The following KIAA2012 variants were observed in gnomAD, a reference collection of about 807,000 sequenced individuals.
KIAA2012 encodes the protein KIAA2012, also known as uncharacterized protein KIAA2012.
Under a neutral mutation model 150.6 loss-of-function variants are expected in KIAA2012, and 125 were observed. That is an observed-to-expected ratio of 0.83 (90% confidence interval 0.72 to 0.96). The LOEUF (loss-of-function observed/expected upper bound fraction) is 0.96. KIAA2012 is among the 40% of genes least tolerant of loss of function. The pLI is 0.00. For synonymous variants in KIAA2012, 462 were observed against 504.7 expected, an observed-to-expected ratio of 0.92 and a Z score of 1.13; for missense variants, 1,219 against 1,354.9, an observed-to-expected ratio of 0.90 and a Z score of 1.57.
chr2:202,163,204 A>G (rs1374268067), intron 14 of KIAA2012, among the ~76,000 whole-genome samples: 2 of 150,572 alleles, frequency 1.3e-5, no homozygotes, highest in African/African-American at 4.9e-5. Flanking sequence ...CCTGGGTTCA[A>G]TCAGTTCTCC....
At chr2:202,158,326 G>A (rs1225487701) in intron 14 of KIAA2012, among the ~76,000 whole-genome samples, 1 of 151,812 alleles carries the variant, frequency 6.6e-6, no homozygotes. Context: ...TATGCTCTGA[G>A]TATCAGACAC....
chr2:202,103,164 G>T, intron 8 of KIAA2012, 50 bp downstream of exon 8: 17 of 1,521,700 alleles, frequency 1.1e-5, no homozygotes, highest in Non-Finnish European at 1.5e-5. Context: ...GGGATGGGGG[G>T]TCCTGCCACT....
rs1692549640 is a variant in KIAA2012 at position 202,202,458 on chromosome 2, AT to A, written c.3440del (p.Phe1147SerfsTer76). The stretch of plus-strand genomic sequence containing the variant: ...AAAGCTGCTTTGGAGAAACATTTTC[AT>A]TTCTATCAAGAACTCCATAAGGAAG... Reference protein sequence around the residue: ...RQKAALEKHFHFYQELHKEAS... With the variant: ...RQKAALEKHFXFYQELHKEAS... On this transcript the variant is annotated frameshift_variant, in exon 23 of 24. Transcript: ENST00000498697. LOFTEE classifies it high-confidence loss of function. 1 of 399,574 alleles carries A rather than the reference AT, an allele frequency of 2.5e-6. No individual in the cohort carries two copies. Among genetic ancestry groups the A allele is most frequent in the Non-Finnish European group, 4.4e-6 (1 of 226,516 alleles). 24.8% of individuals were successfully genotyped at this position (399,574 alleles called of 1,614,324 possible). A position where few individuals can be genotyped will look rare whatever the true frequency, so the allele number is the denominator to read the frequency against.
At chr2:202,124,020 T>C (rs1293981598) in intron 11 of KIAA2012, among the ~76,000 whole-genome samples, 1 of 151,810 alleles carries the variant, frequency 6.6e-6, no homozygotes, top group Non-Finnish European at 1.5e-5. Context: ...GAAACCCTGT[T>C]TCTACTAAAA....
intron 15 of KIAA2012, among the ~76,000 whole-genome samples, chr2:202,169,059 G>A (rs1022964331): frequency 5.3e-5 from 8 of 152,120 alleles, no homozygotes; most frequent in Non-Finnish European, 1.2e-4. Context: ...AAAAGTCTGA[G>A]CTGGCAGGCA....
chr2:202,095,786 T>C (rs952879966), intron 4 of KIAA2012, among the ~76,000 whole-genome samples: 3 of 152,096 alleles, frequency 2.0e-5, no homozygotes, highest in Admixed American at 1.3e-4. Flanking sequence ...AGATACCCAA[T>C]GTGTAAGACT....
chr2:202,147,710 G>A (rs1397140827), intron 13 of KIAA2012, among the ~76,000 whole-genome samples: 4 of 152,062 alleles, frequency 2.6e-5, no homozygotes, highest in African/African-American at 9.7e-5. Context: ...GAATCAGTTT[G>A]CAAGTTGAGA....
intron 5 of KIAA2012, among the ~76,000 whole-genome samples, 191 bp from the exon 6 acceptor site, chr2:202,099,422 T>A (rs1344048911): frequency 1.3e-5 from 2 of 152,190 alleles, no homozygotes; most frequent in Admixed American, 1.3e-4. Context: ...CTTTCCATCA[T>A]CAACAATAAA....
At position 202,101,042 on chromosome 2, in the gene KIAA2012, T is replaced by A. The variant is rs560391990; in HGVS notation, c.1155+593T>A. 3.9e-5 allele frequency among the ~76,000 whole-genome samples: 6 copies of A among 152,326 alleles called. No homozygotes were observed. In the East Asian group the frequency reaches 1.2e-3, roughly 29 times the overall value. ...GGGGACAAGCAAGGGCCCCCGGATG[T>A]TCTGCCCGGAGTAGCTATGGGAACA... is the stretch of plus-strand genomic sequence containing the variant. On this transcript the variant is annotated intron_variant, in intron 7 of 23. Transcript: ENST00000498697.
chr2:202,136,092 C>T (rs555559095), intron 12 of KIAA2012: 16 of 389,754 alleles, frequency 4.1e-5, no homozygotes, highest in African/African-American at 3.0e-4. Flanking sequence ...AAGCCGCAGA[C>T]CTTCGTGGTG....
intron 7 of KIAA2012, among the ~76,000 whole-genome samples, chr2:202,100,696 A>G (rs1690020688): frequency 6.6e-6 from 1 of 152,192 alleles, no homozygotes; most frequent in Admixed American, 6.5e-5. Context: ...TTATTACCAC[A>G]CTCCCTGATA....
chr2:202,202,853 A>G (rs1360670016), intron 23 of KIAA2012, among the ~76,000 whole-genome samples: 1 of 151,896 alleles, frequency 6.6e-6, no homozygotes, highest in Non-Finnish European at 1.5e-5. Flanking sequence ...CTTGAGCCTA[A>G]GACTTCCAGG....
intron 12 of KIAA2012, among the ~76,000 whole-genome samples, chr2:202,132,037 G>T (rs745516241): frequency 6.6e-6 from 1 of 152,032 alleles, no homozygotes; most frequent in Non-Finnish European, 1.5e-5. Flanking sequence ...TTAGCAAGGC[G>T]TGATGGTGCA....
chr2:202,179,614 G>A, intron 15 of KIAA2012: 1 of 663,680 alleles, frequency 1.5e-6, no homozygotes, highest in South Asian at 1.4e-5. Context: ...CATTCCCACA[G>A]CTCAGCTAGT....
At chr2:202,166,717 A>G (rs1282196078) in intron 15 of KIAA2012, among the ~76,000 whole-genome samples, 1 of 152,040 alleles carries the variant, frequency 6.6e-6, no homozygotes, top group Admixed American at 6.6e-5. Flanking sequence ...TCTTAAGGCT[A>G]ATTACCAGGA....
intron 12 of KIAA2012, chr2:202,137,855 C>T (rs1485667908): frequency 6.5e-6 from 1 of 153,314 alleles, no homozygotes; most frequent in Non-Finnish European, 1.5e-5. Context: ...ATGCTGGTGT[C>T]CGGGTGGTGC....
chr2:202,187,008 T>C lies in KIAA2012; in HGVS notation c.2286T>C (p.Ser762=). 6.4e-7 allele frequency: 1 copy of C among 1,550,418 alleles called. No individual in the cohort carries two copies. Among genetic ancestry groups the C allele is most frequent in the Non-Finnish European group, 8.7e-7 (1 of 1,146,956 alleles). The stretch of plus-strand genomic sequence containing the variant: ...GGCCTGAGTCACCCGAGAGGTTGAG[T>C]GCTGTGTATACATCTCTTCTTCCAA... ...GYGPESPERL[S]AVYTSLLPRE... Residue 762 remains serine (S), a synonymous_variant, in exon 17 of 24, where the codon AGT becomes AGC. Transcript: ENST00000498697.
chr2:202,084,013 G>A (rs1026537078), intron 2 of KIAA2012, among the ~76,000 whole-genome samples: 1 of 152,148 alleles, frequency 6.6e-6, no homozygotes. Flanking sequence ...GTGAGCAGAG[G>A]CCTCTAGGGG....
intron 21 of KIAA2012, among the ~76,000 whole-genome samples, chr2:202,195,526 A>G (rs1285809613): frequency 6.6e-6 from 1 of 152,090 alleles, no homozygotes; most frequent in Admixed American, 6.6e-5. Flanking sequence ...TGTCTAAAAA[A>G]AAAAAGAAAA....
Sources: allele counts gnomAD v4.1 joint callset (sites outside exome capture counted in the v4.1 genomes callset), GRCh38; gene constraint gnomAD v4.1.1; transcripts MANE v1.5; gene names NCBI Gene and HGNC (gene_info 2026-07-23, HGNC 2026-07-21).